The following PKHD1 variants were observed in gnomAD, a reference collection of about 807,000 sequenced individuals.
PKHD1 encodes the protein fibrocystin.
PKHD1 carries 291 observed loss-of-function variants against 412.0 expected under a neutral mutation model. The observed-to-expected ratio is 0.71, with a 90% CI of 0.64 to 0.78. The LOEUF is 0.78. Among genes scored for constraint, PKHD1 ranks in the 30% least tolerant of loss-of-function variants. The pLI is 0.00. For missense variants in PKHD1, 4,825 were observed against 4,950.7 expected, an observed-to-expected ratio of 0.97 and a Z score of 0.76; for synonymous variants, 1,777 against 1,821.5, an observed-to-expected ratio of 0.98 and a Z score of 0.62.
chr6:52,035,904 A>T (rs1803877206), intron 27 of PKHD1, among the ~76,000 whole-genome samples, 183 bp from the exon 28 acceptor site: 1 of 152,170 alleles, frequency 6.6e-6, no homozygotes, highest in Non-Finnish European at 1.5e-5. Context: ...AGAAAGGGAG[A>T]AGTAGTGACA....
intron 60 of PKHD1, among the ~76,000 whole-genome samples, chr6:51,676,016 C>A (rs1287819823): frequency 6.6e-6 from 1 of 151,876 alleles, no homozygotes; most frequent in Non-Finnish European, 1.5e-5. Context: ...ACGTAGAAAC[C>A]AAGGCAGTGA....
rs1252236268 is a variant in PKHD1 at position 52,048,550 on chromosome 6, C to A, written c.2349G>T (p.Arg783=). The A allele has an allele frequency of 6.2e-7, 1 of 1,614,082 alleles. No individual in the cohort carries two copies. The highest frequency in any genetic ancestry group is 8.5e-7 in the Non-Finnish European group (1 of 1,179,940). ...AGTGTCCTCCTAGAGGTGGACTTGT[C>A]CGCTGTCGTCTCTGTGTCGTCACCA... ...LVLVTTQRRQ[R]TSPPLGGHFR... The change falls in exon 23 of 67, where the codon CGG becomes CGT. Residue 783 remains arginine (R), a synonymous_variant. Coordinates refer to ENST00000371117, the MANE Select transcript of PKHD1 (RefSeq NM_138694.4).
At chr6:51,664,202 TG>T (rs1423555656) in intron 60 of PKHD1, among the ~76,000 whole-genome samples, 2 of 152,162 alleles carry the variant, frequency 1.3e-5, no homozygotes, top group Non-Finnish European at 2.9e-5. Flanking sequence ...TCATAAAGGC[TG>T]GTCACCCAAG....
At chr6:51,736,979 C>T (rs1049445914) in intron 60 of PKHD1, among the ~76,000 whole-genome samples, 1 of 152,206 alleles carries the variant, frequency 6.6e-6, no homozygotes, top group Non-Finnish European at 1.5e-5. Flanking sequence ...GAAACCACTT[C>T]ATCACTCAGT....
At chr6:52,032,907 T>C (rs549017167) in intron 29 of PKHD1, 123 bp downstream of exon 29, 4 of 851,284 alleles carry the variant, frequency 4.7e-6, no homozygotes, top group East Asian at 2.4e-5. Flanking sequence ...AAAAAAGCAA[T>C]CTCCTAGCTT....
chr6:51,852,576 TG>T (rs1466599644), intron 49 of PKHD1, among the ~76,000 whole-genome samples: 1 of 152,210 alleles, frequency 6.6e-6, no homozygotes, highest in Non-Finnish European at 1.5e-5. Flanking sequence ...TTTATCAATC[TG>T]GGTGCTCCTG....
intron 36 of PKHD1, among the ~76,000 whole-genome samples, chr6:51,951,517 G>C (rs1333273943): frequency 6.6e-6 from 1 of 152,028 alleles, no homozygotes; most frequent in African/African-American, 2.4e-5. Context: ...TTTTCAAAAG[G>C]TTCCAAATAT....
chr6:51,959,872 T>G lies in PKHD1; in HGVS notation c.5906A>C (p.Lys1969Thr). ...ACCAACCTACAAACTTCACACACCT[T>G]TAATGTGCAGTAAGTTGAGGATGCT... is the stretch of plus-strand genomic sequence containing the variant. ...NTSILNLLHI[K>T]GGKLIFMAPG... Residue 1969 changes from lysine (K) to threonine (T), a missense_variant and splice_region_variant, in exon 36 of 67, where the codon AAA becomes ACA. Coordinates refer to ENST00000371117, the MANE Select transcript of PKHD1 (RefSeq NM_138694.4). The G allele has an allele frequency of 6.2e-7, 1 of 1,612,752 alleles. No homozygotes were observed. Among genetic ancestry groups the G allele is most frequent in the East Asian group, 2.2e-5 (1 of 44,844 alleles).
intron 52 of PKHD1, among the ~76,000 whole-genome samples, chr6:51,830,327 T>A (rs1299925886): frequency 6.6e-6 from 1 of 152,158 alleles, no homozygotes; most frequent in African/African-American, 2.4e-5. Context: ...TTATAACGTG[T>A]ATACTGGAAG....
intron 65 of PKHD1, 87 bp from the exon 66 acceptor site, chr6:51,627,203 T>C: frequency 8.5e-7 from 1 of 1,182,506 alleles, no homozygotes; most frequent in South Asian, 1.2e-5. Flanking sequence ...TATGTACCCT[T>C]GTCCCAAAAT....
intron 55 of PKHD1, among the ~76,000 whole-genome samples, chr6:51,758,053 A>AGAGAG (rs1491172795): frequency 5.4e-5 from 8 of 148,480 alleles, no homozygotes; most frequent in Non-Finnish European, 6.0e-5. Flanking sequence ...AGAGAGAGAG[A>AGAGAG]AAACAAAGCA....
chr6:51,751,786 C>T (rs1786155572), intron 57 of PKHD1, among the ~76,000 whole-genome samples: 3 of 152,038 alleles, frequency 2.0e-5, no homozygotes, highest in South Asian at 2.1e-4. Context: ...AATAAATAGG[C>T]AATTGTACTA....
chr6:51,860,694 C>T (rs1774040112), intron 48 of PKHD1, among the ~76,000 whole-genome samples: 1 of 152,212 alleles, frequency 6.6e-6, no homozygotes, highest in African/African-American at 2.4e-5. Flanking sequence ...ACCTCTGCAT[C>T]AGCAACAGCT....
At chr6:51,695,331 T>C (rs894173338) in intron 60 of PKHD1, among the ~76,000 whole-genome samples, 1 of 152,150 alleles carries the variant, frequency 6.6e-6, no homozygotes, top group African/African-American at 2.4e-5. Flanking sequence ...CTTTATAATG[T>C]AACCTCAATC....
chr6:51,765,117 C>T (rs533013857), intron 55 of PKHD1, among the ~76,000 whole-genome samples: 18 of 152,176 alleles, frequency 1.2e-4, no homozygotes, highest in African/African-American at 3.8e-4. Context: ...CAACTCAGTG[C>T]GTGCTTCCTC....
At chr6:51,765,712 A>G (rs1411243292) in intron 55 of PKHD1, among the ~76,000 whole-genome samples, 1 of 152,020 alleles carries the variant, frequency 6.6e-6, no homozygotes, top group Non-Finnish European at 1.5e-5. Context: ...ATATTTCTGT[A>G]TTTGTTTGAG....
intron 52 of PKHD1, among the ~76,000 whole-genome samples, chr6:51,793,242 T>C (rs917950163): frequency 5.9e-5 from 9 of 152,250 alleles, no homozygotes. Flanking sequence ...ACCTAGAGAA[T>C]GTTCTAGGTT....
In PKHD1 at chr6:52,033,055, C is replaced by T. The variant is rs1803312068; in HGVS notation, c.3339G>A (p.Leu1113=). 9.3e-6 allele frequency: 15 copies of T among 1,612,604 alleles called. No homozygotes were observed. The highest frequency in any genetic ancestry group is 1.3e-5 in the Non-Finnish European group (15 of 1,178,768). ...VSSLNPVIVT[L]SRNISNIAGG... ...CTGCTATATTGCTTATGTTTCTGCT[C>T]AGAGTCACAATAACTGGATTTAAGG... The change falls in exon 29 of 67, where the codon CTG becomes CTA. Residue 1113 remains leucine, a synonymous_variant. Coordinates refer to ENST00000371117, the MANE Select transcript of PKHD1 (RefSeq NM_138694.4).
chr6:51,627,133 G>T lies in PKHD1; in HGVS notation c.11666-17C>A, dbSNP rs764626499. 6.2e-7 allele frequency: 1 copy of T among 1,605,272 alleles called. No homozygotes were observed. The highest frequency in any genetic ancestry group is 8.5e-7 in the Non-Finnish European group (1 of 1,175,248). ...GTTTTGTTTCTGTATTAATGGAGAA[G>T]AAAAAGGATTTTTTTGTTCAGTTGT... is the stretch of plus-strand genomic sequence containing the variant. On this transcript the variant is annotated splice_polypyrimidine_tract_variant and intron_variant, in intron 65 of 66. Transcript: ENST00000371117.
Sources: gnomAD v4.1 joint callset for allele counts (sites outside exome capture counted in the v4.1 genomes callset) on GRCh38, gnomAD v4.1.1 for gene constraint, MANE v1.5 for transcripts, NCBI Gene and HGNC (gene_info 2026-07-23, HGNC 2026-07-21) for gene names.